DPYSL2: variants seen among roughly 807,000 people sequenced by gnomAD.
DPYSL2 encodes the protein dihydropyrimidinase like 2.
A neutral mutation model predicts 69.9 loss-of-function variants in DPYSL2; 13 were observed. The observed-to-expected ratio is 0.19, with a 90% CI of 0.12 to 0.30. The LOEUF is 0.30. Among genes scored for constraint, DPYSL2 ranks in the 10% least tolerant of loss-of-function variants. The pLI, the probability that DPYSL2 is intolerant of heterozygous loss-of-function variation, is 1.00. For synonymous variants in DPYSL2, 326 were observed against 359.1 expected, an observed-to-expected ratio of 0.91 and a Z score of 1.04; for missense variants, 587 against 918.9, an observed-to-expected ratio of 0.64 and a Z score of 4.67.
At position 26,598,198 on chromosome 8, in the gene DPYSL2, C is replaced by T. The variant is rs760706391; in HGVS notation, c.628+14215C>T. 5.9e-5 allele frequency among the ~76,000 whole-genome samples: 9 copies of T among 152,178 alleles called. No individual in the cohort carries two copies. The highest frequency in any genetic ancestry group is 1.3e-4 in the Non-Finnish European group (9 of 68,034). ...ACCGTTGAAGCTTTTTATATTGACC[C>T]GTGGCTACTGTGGTATTCGAAGGGC... On this transcript the variant is annotated intron_variant, in intron 3 of 13. Transcript: ENST00000521913. The surrounding 1 kb of genome is among the most constrained non-coding windows in gnomAD (Gnocchi z 4.2).
At chr8:26,579,365 TC>T (rs1801433404) in intron 1 of DPYSL2, among the ~76,000 whole-genome samples, 1 of 152,248 alleles carries the variant, frequency 6.6e-6, no homozygotes. Flanking sequence ...TCCTATTCTT[TC>T]CATCCCCAGT....
Position 26,560,172 on chromosome 8 carries a change from G to A in DPYSL2, c.355-21797G>A, listed in dbSNP as rs888972512. 2.6e-5 allele frequency among the ~76,000 whole-genome samples: 4 copies of A among 152,166 alleles called. No individual in the cohort carries two copies. Among genetic ancestry groups the A allele is most frequent in the Admixed American group, 6.5e-5 (1 of 15,270 alleles). ...ATCAGGAGCAGACGCGACCATTCCC[G>A]ACGGCCTTGGCAGCTCACTCTGCCT... On this transcript the variant is annotated intron_variant, in intron 1 of 13. Transcript: ENST00000521913. The surrounding 1 kb of genome is among the most constrained non-coding windows in gnomAD (Gnocchi z 4.4).
Position 26,624,324 on chromosome 8 carries a change from C to A in DPYSL2, c.793+17C>A. The A allele has an allele frequency of 6.2e-7, 1 of 1,612,652 alleles. No homozygotes were observed. The highest frequency in any genetic ancestry group is 1.1e-5 in the South Asian group (1 of 90,878). ...AGGATCACGGTAGGTTGCACTGAGT[C>A]AATGCCCTCTGCAGATGTTTCCGCT... On this transcript the variant is annotated intron_variant, in intron 4 of 13. Transcript: ENST00000521913. This position sits in a 1 kb window ranked among gnomAD's most constrained non-coding sequence, Gnocchi z 4.7.
intron 3 of DPYSL2, among the ~76,000 whole-genome samples, chr8:26,584,735 T>C (rs1801562572): frequency 6.6e-6 from 1 of 150,822 alleles, no homozygotes; most frequent in South Asian, 2.1e-4. Context: ...TTCTCCTGGC[T>C]CAGCCACCCG....
At chr8:26,639,188 A>T (rs1250544883) in intron 8 of DPYSL2, among the ~76,000 whole-genome samples, 1 of 152,214 alleles carries the variant, frequency 6.6e-6, no homozygotes, top group Non-Finnish European at 1.5e-5. Flanking sequence ...ATGAGTCCTT[A>T]GTTAAGCTTA....
intron 1 of DPYSL2, among the ~76,000 whole-genome samples, chr8:26,542,380 C>T (rs1244297461): frequency 1.3e-5 from 2 of 150,914 alleles, no homozygotes; most frequent in Non-Finnish European, 2.9e-5. Flanking sequence ...AATAGATACA[C>T]TTTATTTATT....
At chr8:26,574,943 G>GT (rs1042284571) in intron 1 of DPYSL2, among the ~76,000 whole-genome samples, 113 of 152,096 alleles carry the variant, frequency 7.4e-4, no homozygotes, top group African/African-American at 2.5e-3. Context: ...GTTTGTTTTT[G>GT]TTTTTTTGAG....
chr8:26,520,525 G>A (rs1808368226), intron 1 of DPYSL2, among the ~76,000 whole-genome samples: 1 of 146,178 alleles, frequency 6.8e-6, no homozygotes. Flanking sequence ...ATGGACTGTT[G>A]ATCTGTCTTT....
intron 3 of DPYSL2, among the ~76,000 whole-genome samples, chr8:26,601,712 G>A (rs1251646027): frequency 6.6e-6 from 1 of 152,224 alleles, no homozygotes; most frequent in Non-Finnish European, 1.5e-5. Context: ...TAATGTTGCA[G>A]GATTTAGGAG....
Position 26,598,525 on chromosome 8 carries a change from T to C in DPYSL2, c.628+14542T>C, listed in dbSNP as rs1801917252. On this transcript the variant is annotated intron_variant, in intron 3 of 13. Transcript: ENST00000521913. The surrounding 1 kb of genome is among the most constrained non-coding windows in gnomAD (Gnocchi z 4.2). The stretch of plus-strand genomic sequence containing the variant: ...AATGCTTCATGTTTTAGAATGTTAG[T>C]GCCAGCAGAAAGCACCAGGAGACAC... 6.6e-6 allele frequency among the ~76,000 whole-genome samples: 1 copy of C among 152,222 alleles called. No individual in the cohort carries two copies. The highest frequency in any genetic ancestry group is 1.5e-5 in the Non-Finnish European group (1 of 68,044).
intron 1 of DPYSL2, among the ~76,000 whole-genome samples, chr8:26,581,498 G>A (rs749098081): frequency 3.3e-5 from 5 of 151,272 alleles, no homozygotes; most frequent in Non-Finnish European, 5.9e-5. Flanking sequence ...TCAGCCTCCC[G>A]AGTAGCTGGG....
chr8:26,532,101 G>C (rs1230728060), intron 1 of DPYSL2, among the ~76,000 whole-genome samples: 2 of 152,138 alleles, frequency 1.3e-5, no homozygotes, highest in Non-Finnish European at 2.9e-5. Context: ...AGGACTGATA[G>C]AGATAGGAGG....
intron 1 of DPYSL2, among the ~76,000 whole-genome samples, chr8:26,525,271 G>A (rs932948069): frequency 2.0e-5 from 3 of 152,226 alleles, no homozygotes; most frequent in African/African-American, 7.2e-5. Context: ...CCAGGCTGGA[G>A]TGCGGTGGCA....
intron 7 of DPYSL2, among the ~76,000 whole-genome samples, chr8:26,634,498 T>C (rs1585562752): frequency 6.8e-6 from 1 of 146,570 alleles, no homozygotes; most frequent in African/African-American, 2.5e-5. Flanking sequence ...GCCAGGCTGG[T>C]CTTGAACTCC....
chr8:26,548,929 CT>C (rs1800827490), intron 1 of DPYSL2, among the ~76,000 whole-genome samples: 1 of 152,034 alleles, frequency 6.6e-6, no homozygotes, highest in South Asian at 2.1e-4. Flanking sequence ...TGGCTCACGC[CT>C]ATAATCCCAG....
rs533203430 is a variant in DPYSL2, at chr8:26,587,652, G to T, written c.628+3669G>T. Among the ~76,000 whole-genome samples the T allele has an allele frequency of 1.3e-5, 2 of 152,238 alleles. No individual in the cohort carries two copies. The highest frequency in any genetic ancestry group is 2.9e-5 in the Non-Finnish European group (2 of 68,048). On this transcript the variant is annotated intron_variant, in intron 3 of 13. Transcript: ENST00000521913. The surrounding 1 kb of genome is among the most constrained non-coding windows in gnomAD (Gnocchi z 4.2). ...AATCACACAATGAGATCTTTATGAG[G>T]CGGACTCAGTGTGGAGCAGGGGGAA... is the stretch of plus-strand genomic sequence containing the variant.
Position 26,588,934 on chromosome 8 carries a change from AG to A in DPYSL2, c.628+4952del, listed in dbSNP as rs1251506118. On this transcript the variant is annotated intron_variant, in intron 3 of 13. Coordinates refer to ENST00000521913, the MANE Select transcript of DPYSL2 (RefSeq NM_001197293.3). This position sits in a 1 kb window ranked among gnomAD's most constrained non-coding sequence, Gnocchi z 5.4. ...CTTGCACTCATTCCCTTACCCACAC[AG>A]ATTTGACTTTTGTCACCTCTTCCTG... Among the ~76,000 whole-genome samples the A allele has an allele frequency of 1.3e-5, 2 of 152,086 alleles. No individual in the cohort carries two copies. The highest frequency in any genetic ancestry group is 4.8e-5 in the African/African-American group (2 of 41,396).
At chr8:26,630,606 A>C (rs1286299474) in intron 7 of DPYSL2, among the ~76,000 whole-genome samples, 2 of 83,590 alleles carry the variant, frequency 2.4e-5, no homozygotes, top group African/African-American at 6.3e-5. Context: ...CCTTCCCACA[A>C]CTCCAGGGAT....
At chr8:26,578,355 A>C (rs1585520071) in intron 1 of DPYSL2, 15 of 1,604,240 alleles carry the variant, frequency 9.4e-6, no homozygotes, top group Non-Finnish European at 1.1e-5. Context: ...CAGAAGGTCT[A>C]AGGAATTTTT....
Sources: allele counts gnomAD v4.1 joint callset (sites outside exome capture counted in the v4.1 genomes callset), GRCh38; gene constraint gnomAD v4.1.1; non-coding constraint Gnocchi (gnomAD v3.1); transcripts MANE v1.5; gene names NCBI Gene and HGNC (gene_info 2026-07-23, HGNC 2026-07-21).